The following ZFR2 variants were observed in gnomAD, a reference collection of about 807,000 sequenced individuals.
The protein encoded by ZFR2 is zinc finger RNA-binding protein 2.
A neutral mutation model predicts 105.7 loss-of-function variants in ZFR2; 104 were observed. The ratio of observed to expected loss-of-function variants is 0.98; its 90% CI spans 0.84 to 1.16. The LOEUF is 1.16. Ranked by LOEUF, ZFR2 falls within the 50% of genes most tolerant of loss-of-function variation. The pLI is 0.00. For missense variants in ZFR2, 1,425 were observed against 1,355.5 expected (o/e 1.05, Z -0.80); for synonymous variants, 634 against 597.7 (o/e 1.06, Z -0.89).
At position 3,838,036 on chromosome 19, in the gene ZFR2, C is replaced by A. The variant is rs1160300259; in HGVS notation, c.54-3053G>T. Among the ~76,000 whole-genome samples the A allele has an allele frequency of 1.3e-5, 2 of 151,176 alleles. No individual in the cohort carries two copies. The highest frequency in any genetic ancestry group is 2.9e-5 in the Non-Finnish European group (2 of 67,816). On this transcript the variant is annotated intron_variant, in intron 1 of 18. Coordinates refer to ENST00000262961, the MANE Select transcript of ZFR2 (RefSeq NM_015174.2). The surrounding 1 kb of genome is among the most constrained non-coding windows in gnomAD (Gnocchi z 4.9). ...CACTTGATGAACACCGTGACTGTGA[C>A]ACACGATGAACACCATGACCGTGAC...
chr19:3,825,821 A>T (rs2037943440), intron 6 of ZFR2, among the ~76,000 whole-genome samples: 1 of 152,014 alleles, frequency 6.6e-6, no homozygotes, highest in East Asian at 1.9e-4. Context: ...CCCTGGACGG[A>T]CACCCACGTT....
At chr19:3,825,435 G>C in intron 6 of ZFR2, 28 bp from the exon 7 acceptor site, 10 of 1,545,240 alleles carry the variant, frequency 6.5e-6, no homozygotes, top group Non-Finnish European at 7.8e-6. Flanking sequence ...GGGCTCCCGC[G>C]TGAGGGCCGC....
Position 3,840,739 on chromosome 19 carries a change from C to G in ZFR2, c.54-5756G>C, listed in dbSNP as rs532256638. Among the ~76,000 whole-genome samples the G allele has an allele frequency of 1.3e-3, 204 of 152,062 alleles. 2 individuals are homozygous for G. Among genetic ancestry groups the G allele is most frequent in the Non-Finnish European group, 1.5e-3 (104 of 67,982 alleles). On this transcript the variant is annotated intron_variant, in intron 1 of 18. Coordinates refer to ENST00000262961, the MANE Select transcript of ZFR2 (RefSeq NM_015174.2). Reference sequence around the variant, plus strand: ...TAGAGATGGGGTCTTGCTATGTTGCCCAGGATGACCTCCAACTCCTGGCCT... The same window carrying G: ...TAGAGATGGGGTCTTGCTATGTTGCGCAGGATGACCTCCAACTCCTGGCCT...
intron 6 of ZFR2, 81 bp from the exon 7 acceptor site, chr19:3,825,488 A>G: frequency 6.7e-7 from 1 of 1,496,450 alleles, no homozygotes; most frequent in Non-Finnish European, 8.9e-7. Flanking sequence ...AAGGGCCTCC[A>G]CGGGCGTGCA....
Position 3,838,641 on chromosome 19 carries a change from C to T in ZFR2, c.54-3658G>A, listed in dbSNP as rs530262566. Among the ~76,000 whole-genome samples the T allele has an allele frequency of 4.6e-5, 7 of 152,324 alleles. No individual in the cohort carries two copies. Among genetic ancestry groups the T allele is most frequent in the East Asian group, 1.9e-4 (1 of 5,190 alleles). On this transcript the variant is annotated intron_variant, in intron 1 of 18. Coordinates refer to ENST00000262961, the MANE Select transcript of ZFR2 (RefSeq NM_015174.2). This position sits in a 1 kb window ranked among gnomAD's most constrained non-coding sequence, Gnocchi z 4.9. The stretch of plus-strand genomic sequence containing the variant: ...AGGCCCTGCCACAGCCACATCCCAC[C>T]GATCCCATCCCCCCGTGTCTATGGC...
intron 5 of ZFR2, among the ~76,000 whole-genome samples, chr19:3,829,462 G>A (rs907569672): frequency 3.9e-5 from 6 of 152,068 alleles, no homozygotes; most frequent in Admixed American, 1.3e-4. Flanking sequence ...GTTTGTGTGT[G>A]TGTGTGTGTG....
intron 5 of ZFR2, among the ~76,000 whole-genome samples, chr19:3,829,591 C>T (rs761023193): frequency 1.1e-4 from 17 of 151,316 alleles, no homozygotes; most frequent in African/African-American, 2.2e-4. Context: ...TAGCTCACTG[C>T]AGCCTTGGAC....
chr19:3,855,434 C>A (rs2038286347), intron 1 of ZFR2: 2 of 1,231,666 alleles, frequency 1.6e-6, no homozygotes, highest in Non-Finnish European at 1.0e-6. Flanking sequence ...CCGGGCGATC[C>A]GGCGGCAGAT....
rs1324750871 is a variant in ZFR2, at chr19:3,833,793, C to T, written c.265-15G>A. On this transcript the variant is annotated splice_polypyrimidine_tract_variant and intron_variant, in intron 2 of 18. Transcript: ENST00000262961. ...CTGTAACTGTCCTATGTGGGGGTTT[C>T]GGCAGGAGAGAGACAGAGAACGGAG... 13 of 1,556,672 alleles carry T rather than the reference C, an allele frequency of 8.4e-6. No homozygotes were observed. The highest frequency in any genetic ancestry group is 1.2e-5 in the South Asian group (1 of 84,798).
chr19:3,852,085 T>C, intron 1 of ZFR2: 1 of 285,352 alleles, frequency 3.5e-6, no homozygotes, highest in South Asian at 3.7e-5. Flanking sequence ...GTGCCTCTTC[T>C]GGCCAAGGCG....
Position 3,804,710 on chromosome 19 carries a change from G to A in ZFR2, c.*1239C>T, listed in dbSNP as rs2037679196. 6.6e-6 allele frequency: 1 copy of A among 152,256 alleles called. No homozygotes were observed. The allele number at this position is 152,256 out of a possible 1,614,324, so 9.4% of individuals were successfully genotyped here. A position where few individuals can be genotyped will look rare whatever the true frequency, so the allele number is the denominator to read the frequency against. On this transcript the variant is annotated 3_prime_UTR_variant, in exon 19 of 19. Transcript: ENST00000262961. Reference sequence around the variant, plus strand: ...CTGCTGACATCCTGGCTGTGGAGGTGGGTGGGGGGTCTGTTTGGAGCAGGC... The same window carrying A: ...CTGCTGACATCCTGGCTGTGGAGGTAGGTGGGGGGTCTGTTTGGAGCAGGC...
chr19:3,809,155 C>T (rs2037735454), intron 16 of ZFR2, among the ~76,000 whole-genome samples, 172 bp from the exon 17 acceptor site: 1 of 152,208 alleles, frequency 6.6e-6, no homozygotes, highest in Admixed American at 6.5e-5. Flanking sequence ...TCTGCCACCT[C>T]CTGGCACGGC....
At position 3,823,290 on chromosome 19, in the gene ZFR2, C is replaced by A. The variant is rs749530964; in HGVS notation, c.1327G>T (p.Gly443Cys). 1 of 1,614,016 alleles carries A rather than the reference C, an allele frequency of 6.2e-7. No individual in the cohort carries two copies. Among genetic ancestry groups the A allele is most frequent in the South Asian group, 1.1e-5 (1 of 91,092 alleles). ...TQGGSKEAPAGCSDAQPVGPE... is the reference protein window; with the variant it reads ...TQGGSKEAPACCSDAQPVGPE... ...CCCACCGGCTGCGCATCAGAGCAGC[C>A]CGCGGGAGCTTCCTTTGAGCCTCCT... Residue 443 changes from glycine to cysteine, a missense_variant, in exon 8 of 19, where the codon GGC (glycine) becomes TGC (cysteine). By Grantham distance (159) the Gly-to-Cys change is radical. Coordinates refer to ENST00000262961, the MANE Select transcript of ZFR2 (RefSeq NM_015174.2). This position sits in a 1 kb window ranked among gnomAD's most constrained non-coding sequence, Gnocchi z 5.4.
rs201610307 is a variant in ZFR2, at chr19:3,822,152, C to G, written c.1420G>C (p.Glu474Gln). ...GCGTTAAGGTCGTTGAAACTGCACT[C>G]GCACAGCTTGCAGTGGAAGCGAAGC... ...RVLRFHCKLC[E>Q]CSFNDLNAKD... Residue 474 changes from glutamate to glutamine, a missense_variant, in exon 9 of 19, where the codon GAG (glutamate) becomes CAG (glutamine). Transcript: ENST00000262961. 1.2e-6 allele frequency: 2 copies of G among 1,609,264 alleles called. No homozygotes were observed. The highest frequency in any genetic ancestry group is 1.7e-6 in the Non-Finnish European group (2 of 1,178,228).
At chr19:3,862,423 G>A (rs1183640564) in intron 1 of ZFR2, among the ~76,000 whole-genome samples, 1 of 152,012 alleles carries the variant, frequency 6.6e-6, no homozygotes, top group African/African-American at 2.4e-5. Context: ...TCAGCCTCCC[G>A]AGTAGCTGGG....
intron 1 of ZFR2, among the ~76,000 whole-genome samples, chr19:3,867,712 A>T (rs1363569727): frequency 6.6e-6 from 1 of 151,300 alleles, no homozygotes; most frequent in Admixed American, 6.6e-5. Context: ...TGACCTCAGG[A>T]CCTCCTCCCA....
At chr19:3,854,708 C>G (rs910799559) in intron 1 of ZFR2, among the ~76,000 whole-genome samples, 1 of 152,202 alleles carries the variant, frequency 6.6e-6, no homozygotes, top group African/African-American at 2.4e-5. Flanking sequence ...CTTTTACATT[C>G]TTGCAGAGAA....
In ZFR2 at chr19:3,844,014, G is replaced by GC. The variant is rs201900688; in HGVS notation, c.54-9032_54-9031insG. Among the ~76,000 whole-genome samples the GC allele has an allele frequency of 2.9e-4, 16 of 56,106 alleles. 1 individual carries two copies. In the East Asian group the frequency reaches 7.4e-3, roughly 26 times the overall value. 36.8% of individuals were successfully genotyped at this position (56,106 alleles called of 152,430 possible). A position where few individuals can be genotyped will look rare whatever the true frequency, so the allele number is the denominator to read the frequency against. On this transcript the variant is annotated intron_variant, in intron 1 of 18. Transcript: ENST00000262961. ...TTCACAGAGACAGAAAGTAGGATGT[G>GC]GGGGGGGGGGTGCCAGGGACCGGGG...
At chr19:3,820,677 G>A (rs1327711170) in intron 10 of ZFR2, among the ~76,000 whole-genome samples, 1 of 151,738 alleles carries the variant, frequency 6.6e-6, no homozygotes, top group Non-Finnish European at 1.5e-5. Flanking sequence ...GGGGACACAG[G>A]AGACTCCAGG....
Sources: allele counts gnomAD v4.1 joint callset (sites outside exome capture counted in the v4.1 genomes callset), GRCh38; gene constraint gnomAD v4.1.1; non-coding constraint Gnocchi (gnomAD v3.1); transcripts MANE v1.5; gene names NCBI Gene and HGNC (gene_info 2026-07-23, HGNC 2026-07-21).